Variants in LOXL2 observed in about 807,000 individuals in gnomAD.
LOXL2 encodes the protein lysyl oxidase homolog 2.
Under a neutral mutation model 93.0 loss-of-function variants are expected in LOXL2, and 70 were observed. That is an observed-to-expected ratio of 0.75 (90% confidence interval 0.62 to 0.92). LOXL2 has a LOEUF of 0.92. LOXL2 is among the 40% of genes least tolerant of loss of function. The pLI, the probability that LOXL2 is intolerant of heterozygous loss-of-function variation, is 0.00. For synonymous variants in LOXL2, 438 were observed against 413.2 expected (o/e 1.06, Z -0.73); for missense variants, 973 against 1,054.9 (o/e 0.92, Z 1.08).
chr8:23,343,298 A>C (rs950659468), intron 3 of LOXL2, among the ~76,000 whole-genome samples: 2 of 152,138 alleles, frequency 1.3e-5, no homozygotes. Flanking sequence ...GCATTCTCCT[A>C]CTTAACCCTC....
At chr8:23,375,296 C>T (rs28859050) in intron 1 of LOXL2, among the ~76,000 whole-genome samples, 114,318 of 151,836 alleles carry the variant, frequency 0.75, 43,773 homozygotes, top group African/African-American at 0.88. Context: ...TTCTGTTCCA[C>T]TGGTCTATAT....
At chr8:23,402,201 A>G (rs1288906581) in intron 1 of LOXL2, among the ~76,000 whole-genome samples, 1 of 151,914 alleles carries the variant, frequency 6.6e-6, no homozygotes, top group Non-Finnish European at 1.5e-5. Flanking sequence ...GCGCACACAC[A>G]CCTGTGTGCG....
At position 23,359,143 on chromosome 8, in the gene LOXL2, C is replaced by T. The variant is rs112178652; in HGVS notation, c.531+947G>A. Reference sequence around the variant, plus strand: ...CTGGGATTACAGGCATAAGCCCCCGCGCCCGACCCAGTACCTGCATTTTTA... The same window carrying T: ...CTGGGATTACAGGCATAAGCCCCCGTGCCCGACCCAGTACCTGCATTTTTA... On this transcript the variant is annotated intron_variant, in intron 3 of 13. Transcript: ENST00000389131. Among the ~76,000 whole-genome samples the T allele has an allele frequency of 2.4e-4, 36 of 152,062 alleles. 1 individual carries two copies. The South Asian group carries it at 4.2e-3, about 18-fold the overall frequency.
At chr8:23,323,951 C>T (rs1340757188) in intron 6 of LOXL2, among the ~76,000 whole-genome samples, 1 of 152,210 alleles carries the variant, frequency 6.6e-6, no homozygotes, top group African/African-American at 2.4e-5. Context: ...CTGCCCGCCT[C>T]GGCCTCCCAA....
At chr8:23,392,229 G>A (rs942869306) in intron 1 of LOXL2, among the ~76,000 whole-genome samples, 7 of 152,302 alleles carry the variant, frequency 4.6e-5, no homozygotes, top group African/African-American at 1.7e-4. Flanking sequence ...GGCTCCATAA[G>A]GCAGTCAGGT....
At position 23,328,488 on chromosome 8, in the gene LOXL2, C is replaced by T; in HGVS notation, c.1044G>A (p.Gly348=). 2 of 1,614,100 alleles carry T rather than the reference C, an allele frequency of 1.2e-6. No individual in the cohort carries two copies. Among genetic ancestry groups the T allele is most frequent in the Non-Finnish European group, 1.7e-6 (2 of 1,179,990 alleles). Residue 348 remains glycine, a synonymous_variant, in exon 6 of 14, where the codon GGG becomes GGA. Transcript: ENST00000389131. ...GGTCCCACTTGTCGTCGCAGACGGT[C>T]CCCCATTCTCCATTTTTGAGCACCT... ...RVEVLKNGEW[G]TVCDDKWDLV...
At chr8:23,398,112 C>A (rs1800116895) in intron 1 of LOXL2, among the ~76,000 whole-genome samples, 1 of 152,046 alleles carries the variant, frequency 6.6e-6, no homozygotes, top group South Asian at 2.1e-4. Flanking sequence ...ACCTTGGTAC[C>A]CCAGTGGTAT....
intron 3 of LOXL2, among the ~76,000 whole-genome samples, chr8:23,353,532 G>A (rs987439982): frequency 1.3e-5 from 2 of 152,120 alleles, no homozygotes; most frequent in Admixed American, 6.5e-5. Context: ...CTGGAACCCG[G>A]GGGTTCTGCC....
chr8:23,379,914 C>T (rs534351993), intron 1 of LOXL2, among the ~76,000 whole-genome samples: 8 of 152,200 alleles, frequency 5.3e-5, no homozygotes, highest in Middle Eastern at 3.4e-3. Context: ...CGCCTTGCTT[C>T]GGCTCACACT....
Position 23,298,914 on chromosome 8 carries a change from A to G in LOXL2, c.2167T>C (p.Ser723Pro). ...TTCATGATGTTGTTGGAGTAATCGGATTCTGCAACCTCGAAGTTGGGGTTA... is the reference window on the plus strand; with the variant it reads ...TTCATGATGTTGTTGGAGTAATCGGGTTCTGCAACCTCGAAGTTGGGGTTA... Reference protein sequence around the residue: ...VINPNFEVAESDYSNNIMKCR... With the variant: ...VINPNFEVAEPDYSNNIMKCR... Residue 723 changes from serine (S) to proline (P), a missense_variant, in exon 13 of 14, where the codon TCC becomes CCC. Ser to Pro is a moderately conservative substitution (Grantham distance 74). Transcript: ENST00000389131. 2 of 1,613,602 alleles carry G rather than the reference A, an allele frequency of 1.2e-6. No individual in the cohort carries two copies. Among genetic ancestry groups the G allele is most frequent in the Non-Finnish European group, 1.7e-6 (2 of 1,179,564 alleles).
chr8:23,363,550 C>T (rs1485705212), intron 2 of LOXL2: 2 of 152,328 alleles, frequency 1.3e-5, no homozygotes, highest in African/African-American at 2.4e-5. Context: ...TGTTCTGTCG[C>T]AAAGCTGCCA....
At chr8:23,298,768 C>A in intron 13 of LOXL2, 68 bp downstream of exon 13, 1 of 950,012 alleles carries the variant, frequency 1.1e-6, no homozygotes, top group Non-Finnish European at 1.7e-6. Flanking sequence ...TAGGAAGCTG[C>A]CTCTGGGTCC....
chr8:23,346,934 T>C (rs1307115563), intron 3 of LOXL2, among the ~76,000 whole-genome samples: 1 of 152,190 alleles, frequency 6.6e-6, no homozygotes, highest in Non-Finnish European at 1.5e-5. Context: ...CTAGCCAGCC[T>C]CTGCTCACCT....
chr8:23,322,033 G>A, intron 7 of LOXL2, 97 bp downstream of exon 7: 1 of 1,324,012 alleles, frequency 7.6e-7, no homozygotes, highest in East Asian at 2.3e-5. Context: ...AGTACTAGCA[G>A]CAGCACCTGG....
At chr8:23,354,455 C>T (rs893041844) in intron 3 of LOXL2, among the ~76,000 whole-genome samples, 24 of 152,186 alleles carry the variant, frequency 1.6e-4, no homozygotes, top group Non-Finnish European at 2.8e-4. Flanking sequence ...CGAGGGAGGG[C>T]TTTAACTCTC....
At chr8:23,317,946 G>A (rs1377088460) in intron 8 of LOXL2, among the ~76,000 whole-genome samples, 1 of 142,744 alleles carries the variant, frequency 7.0e-6, no homozygotes, top group Non-Finnish European at 1.6e-5. Context: ...GGATAGGAAG[G>A]GCCTTGGAAG....
intron 7 of LOXL2, among the ~76,000 whole-genome samples, chr8:23,320,558 T>C (rs148137342): frequency 2.0e-5 from 3 of 152,298 alleles, no homozygotes; most frequent in Non-Finnish European, 4.4e-5. Context: ...CTGAACTTGC[T>C]GTCTTTTCTC....
At chr8:23,303,681 A>T (rs1166307475) in intron 10 of LOXL2, among the ~76,000 whole-genome samples, 1 of 152,144 alleles carries the variant, frequency 6.6e-6, no homozygotes, top group Non-Finnish European at 1.5e-5. Flanking sequence ...GGTACCAGGG[A>T]GGTGAGCAGA....
intron 1 of LOXL2, chr8:23,402,779 GAAAAAA>G (rs1016084670): frequency 7.2e-6 from 1 of 138,602 alleles, no homozygotes; most frequent in African/African-American, 2.6e-5. Flanking sequence ...TCCTCTGGGA[GAAAAAA>G]AAAAAAAGTA....
Sources: allele counts gnomAD v4.1 joint callset (sites outside exome capture counted in the v4.1 genomes callset), GRCh38; gene constraint gnomAD v4.1.1; transcripts MANE v1.5; gene names NCBI Gene and HGNC (gene_info 2026-07-23, HGNC 2026-07-21).